The following SLC52A1 variants were observed in gnomAD, a reference collection of about 807,000 sequenced individuals.
SLC52A1 encodes the protein solute carrier family 52 member 1.
SLC52A1 carries 20 observed loss-of-function variants against 23.2 expected under a neutral mutation model. That is an observed-to-expected ratio of 0.86 (90% CI 0.61 to 1.25). The LOEUF is 1.25. Among genes scored for constraint, SLC52A1 ranks in the 50% most tolerant of loss-of-function variants. SLC52A1 has a pLI of 0.00. For synonymous variants in SLC52A1, 260 were observed against 256.6 expected, an observed-to-expected ratio of 1.01 and a Z score of -0.13; for missense variants, 528 against 557.0, an observed-to-expected ratio of 0.95 and a Z score of 0.52.
chr17:5,037,536 A>C, upstream of SLC52A1, among the ~76,000 whole-genome samples: 1 of 152,144 alleles, frequency 6.6e-6, no homozygotes, highest in Non-Finnish European at 1.5e-5. Flanking sequence ...AAACAAAAAA[A>C]AATTTCAGTG....
rs775350612 is a variant in SLC52A1, at chr17:5,034,631, G to A, written c.-25C>T. The A allele has an allele frequency of 6.2e-7, 1 of 1,613,504 alleles. No homozygotes were observed. The highest frequency in any genetic ancestry group is 8.5e-7 in the Non-Finnish European group (1 of 1,179,818). ...TTCAGCCCAAAGCTGGACCCTCCAG[G>A]ACAGGGCAAAGGTCACAGGCAGGTC... On this transcript the variant is annotated 5_prime_UTR_variant, in exon 2 of 5. Coordinates refer to ENST00000254853, the MANE Select transcript of SLC52A1 (RefSeq NM_017986.4).
upstream of SLC52A1, among the ~76,000 whole-genome samples, chr17:5,040,019 T>C (rs949051840): frequency 5.3e-5 from 8 of 152,066 alleles, no homozygotes; most frequent in African/African-American, 1.9e-4. Context: ...CATTGTTGGA[T>C]GTGTGCCTGG....
chr17:5,032,671 CTTTTGT>C lies in SLC52A1; in HGVS notation c.*280_*285del, dbSNP rs1975339544. On this transcript the variant is annotated 3_prime_UTR_variant, in exon 5 of 5. Transcript: ENST00000254853. ...TATTTCTTATAAGGTTTTCATTAGGCTTTTGTTTTTGTTTTTGGTTTTAAATAAAAA... is the reference window on the plus strand; with the variant it reads ...TATTTCTTATAAGGTTTTCATTAGGCTTTTGTTTTTGGTTTTAAATAAAAA... 1 of 348,896 alleles carries C rather than the reference CTTTTGT, an allele frequency of 2.9e-6. No homozygotes were observed. Among genetic ancestry groups the C allele is most frequent in the African/African-American group, 2.0e-5 (1 of 48,806 alleles). 21.6% of individuals were successfully genotyped at this position (348,896 alleles called of 1,614,324 possible). A position where few individuals can be genotyped will look rare whatever the true frequency, so the allele number is the denominator to read the frequency against.
chr17:5,036,814 ATATT>A (rs1217160106), upstream of SLC52A1, among the ~76,000 whole-genome samples: 1 of 152,072 alleles, frequency 6.6e-6, no homozygotes. Context: ...AGGTTTTCAC[ATATT>A]TATTTATTTA....
At position 5,033,094 on chromosome 17, in the gene SLC52A1, C is replaced by T. The variant is rs749137629; in HGVS notation, c.1210G>A (p.Gly404Ser). Residue 404 changes from glycine to serine, a missense_variant, in exon 5 of 5, where the codon GGT becomes AGT. By Grantham distance (56) the Gly-to-Ser change is moderately conservative (BLOSUM62 0). Coordinates refer to ENST00000254853, the MANE Select transcript of SLC52A1 (RefSeq NM_017986.4). Reference sequence around the variant, plus strand: ...CCAGCTGCCAGCAATGCCGGCCGACCCCCACCATGCAGCAGGGAGCTTGCA... The same window carrying T: ...CCAGCTGCCAGCAATGCCGGCCGACTCCCACCATGCAGCAGGGAGCTTGCA... ...VAASSLLHGG[G>S]RPALLAAGVA... 1.1e-5 allele frequency: 17 copies of T among 1,613,612 alleles called. No homozygotes were observed. Among genetic ancestry groups the T allele is most frequent in the Non-Finnish European group, 1.4e-5 (17 of 1,180,036 alleles).
chr17:5,042,189 T>G (rs1300343269), intron 1 of SLC52A1, among the ~76,000 whole-genome samples: 2 of 152,216 alleles, frequency 1.3e-5, no homozygotes, highest in African/African-American at 4.8e-5. Context: ...ACACAATCCC[T>G]GCAGCCTTCT....
rs1483554297 is a variant in SLC52A1, at chr17:5,034,496, C to A, written c.111G>T (p.Val37=). 1 of 1,614,092 alleles carries A rather than the reference C, an allele frequency of 6.2e-7. No homozygotes were observed. The highest frequency in any genetic ancestry group is 8.5e-7 in the Non-Finnish European group (1 of 1,180,034). The change falls in exon 2 of 5, where the codon GTG becomes GTT. Residue 37 remains valine (V), a synonymous_variant. Coordinates refer to ENST00000254853, the MANE Select transcript of SLC52A1 (RefSeq NM_017986.4). ...VNGIWVELPV[V]VKDLPEGWSL... ...ACTCACCCTCTGGAAGGTCTTTTACCACCACAGGCAGCTCCACCCAGATCC... is the reference window on the plus strand; with the variant it reads ...ACTCACCCTCTGGAAGGTCTTTTACAACCACAGGCAGCTCCACCCAGATCC...
At chr17:5,040,298 T>A (rs1179439746), upstream of SLC52A1, among the ~76,000 whole-genome samples, 1 of 152,024 alleles carries the variant, frequency 6.6e-6, no homozygotes, top group Non-Finnish European at 1.5e-5. Flanking sequence ...CTCAGCTTCC[T>A]GAGTAGCTGG....
chr17:5,038,758 T>G (rs543898193), upstream of SLC52A1, among the ~76,000 whole-genome samples: 1 of 152,004 alleles, frequency 6.6e-6, no homozygotes, highest in South Asian at 2.1e-4. Flanking sequence ...GGCTAATTTT[T>G]TTGTATTTTT....
upstream of SLC52A1, among the ~76,000 whole-genome samples, chr17:5,039,686 G>A (rs1254602431): frequency 1.3e-5 from 2 of 152,118 alleles, no homozygotes; most frequent in Non-Finnish European, 2.9e-5. Context: ...TGGCCAGGCT[G>A]GTCTCGAACT....
upstream of SLC52A1, among the ~76,000 whole-genome samples, chr17:5,036,320 C>A (rs890407242): frequency 7.3e-5 from 11 of 150,388 alleles, no homozygotes; most frequent in African/African-American, 1.5e-4. Context: ...CGTGAGCCAC[C>A]GTGCCTGGCC....
rs1975416924 is a variant in SLC52A1 at position 5,034,660 on chromosome 17, C to T, written c.-54G>A. ...GGGCAAAGGTCACAGGCAGGTCCTT[C>T]CCTAGGTAGGTCCAAAGATGCTTTG... On this transcript the variant is annotated 5_prime_UTR_variant, in exon 2 of 5. Transcript: ENST00000254853. 7.5e-6 allele frequency: 12 copies of T among 1,602,720 alleles called. No homozygotes were observed. The South Asian group carries it at 1.2e-4, about 16-fold the overall frequency.
At chr17:5,040,887 C>A (rs1286095779) in intron 1 of SLC52A1, among the ~76,000 whole-genome samples, 2 of 151,894 alleles carry the variant, frequency 1.3e-5, no homozygotes, top group Non-Finnish European at 2.9e-5. Flanking sequence ...GCTCTGCCTC[C>A]TGGGTTCACG....
At chr17:5,035,576 G>A (rs1975437292), upstream of SLC52A1, 1 of 152,246 alleles carries the variant, frequency 6.6e-6, no homozygotes, top group Non-Finnish European at 1.5e-5. Context: ...CCGCACCTCC[G>A]GATCCGGCAG....
At position 5,033,852 on chromosome 17, in the gene SLC52A1, C is replaced by A. The variant is rs776494230; in HGVS notation, c.637G>T (p.Gly213Cys). 1 of 1,614,172 alleles carries A rather than the reference C, an allele frequency of 6.2e-7. No homozygotes were observed. The highest frequency in any genetic ancestry group is 1.3e-5 in the African/African-American group (1 of 75,038). Residue 213 changes from glycine (G) to cysteine (C), a missense_variant, in exon 3 of 5, where the codon GGT becomes TGT. Gly to Cys is a radical substitution (Grantham distance 159). Transcript: ENST00000254853. ...AGTGATGGCAACAGCAACAGGAGACCCCGGAAGGCGGCAGCTGAAGTGACC... is the reference window on the plus strand; with the variant it reads ...AGTGATGGCAACAGCAACAGGAGACACCGGAAGGCGGCAGCTGAAGTGACC... The part of the protein sequence containing the change: ...LLVTSAAAFR[G>C]LLLLLPSLPS...
rs529625522 is a variant in SLC52A1 at position 5,032,886 on chromosome 17, A to G, written c.*71T>C. ...TTGGGGGAAGCCTGCCTGGGCCACA[A>G]GTAGTCAGGCACTGTGGCAGCCTCA... On this transcript the variant is annotated 3_prime_UTR_variant, in exon 5 of 5. Transcript: ENST00000254853. 18 of 1,402,816 alleles carry G rather than the reference A, an allele frequency of 1.3e-5. No homozygotes were observed. The East Asian group carries it at 3.5e-4, about 27-fold the overall frequency. The allele number at this position is 1,402,816 out of a possible 1,614,324, so 86.9% of individuals were successfully genotyped here. A position where few individuals can be genotyped will look rare whatever the true frequency, so the allele number is the denominator to read the frequency against.
chr17:5,039,157 T>A (rs1024564297), upstream of SLC52A1, among the ~76,000 whole-genome samples: 4 of 151,382 alleles, frequency 2.6e-5, no homozygotes, highest in African/African-American at 9.7e-5. Flanking sequence ...ACCCCGTCTC[T>A]ACTAAAAATA....
chr17:5,033,137 G>A lies in SLC52A1; in HGVS notation c.1167C>T (p.Phe389=). Residue 389 remains phenylalanine, a synonymous_variant, in exon 5 of 5, where the codon TTC becomes TTT. Coordinates refer to ENST00000254853, the MANE Select transcript of SLC52A1 (RefSeq NM_017986.4). ...AGCTTGCAGCCACCTTCACATATGA[G>A]AACACACACAGACACAGCACCCACG... ...VLSWVLCLCV[F]SYVKVAASSL... 1 of 1,613,792 alleles carries A rather than the reference G, an allele frequency of 6.2e-7. No individual in the cohort carries two copies. Among genetic ancestry groups the A allele is most frequent in the Non-Finnish European group, 8.5e-7 (1 of 1,180,010 alleles).
At chr17:5,033,450 A>AACCCAGGCTGGTC (rs1409602058) in intron 3 of SLC52A1, 29 bp downstream of exon 3, 1 of 1,610,020 alleles carries the variant, frequency 6.2e-7, no homozygotes, top group Non-Finnish European at 8.5e-7. Context: ...CTTAAGTTCC[A>AACCCAGGCTGGTC]CCCACCAAGC....
Sources: allele counts gnomAD v4.1 joint callset (sites outside exome capture counted in the v4.1 genomes callset), GRCh38; gene constraint gnomAD v4.1.1; transcripts MANE v1.5; gene names NCBI Gene and HGNC (gene_info 2026-07-23, HGNC 2026-07-21).